Variants in ARB2A observed in about 807,000 individuals in gnomAD.
ARB2A encodes ARB2 cotranscriptional regulator A, also known as cotranscriptional regulator ARB2A.
At chr5:93,871,119 A>C in the ARB2A span, among the ~76,000 whole-genome samples, 1 of 152,220 alleles carries the variant, frequency 6.6e-6, no homozygotes, top group African/African-American at 2.4e-5. Context: ...ATACAAACTG[A>C]GCTTTCTTGT....
the ARB2A span, among the ~76,000 whole-genome samples, chr5:93,891,299 T>C: frequency 1.7e-4 from 26 of 152,242 alleles, 1 homozygote; most frequent in South Asian, 5.4e-3. Context: ...AACTTCAAAA[T>C]TGGCACTTAT....
At chr5:93,746,492 G>A in the ARB2A span, among the ~76,000 whole-genome samples, 1 of 152,186 alleles carries the variant, frequency 6.6e-6, no homozygotes, top group African/African-American at 2.4e-5. Flanking sequence ...TTCAGATTAA[G>A]ATTATGAGGA....
At chr5:93,665,546 T>C in the ARB2A span, among the ~76,000 whole-genome samples, 4 of 152,102 alleles carry the variant, frequency 2.6e-5, no homozygotes, top group East Asian at 1.9e-4. Context: ...GGCAGAAACA[T>C]ATAGGTGTCA....
the ARB2A span, among the ~76,000 whole-genome samples, chr5:93,946,436 A>G: frequency 6.6e-6 from 1 of 152,180 alleles, no homozygotes; most frequent in Non-Finnish European, 1.5e-5. Context: ...TACATAAAAA[A>G]TTAGAAACTA....
At chr5:93,987,629 A>C in the ARB2A span, among the ~76,000 whole-genome samples, 1 of 152,156 alleles carries the variant, frequency 6.6e-6, no homozygotes, top group Non-Finnish European at 1.5e-5. Context: ...TCTTTGAGAA[A>C]ATATTCATTC....
chr5:93,742,428 G>T, the ARB2A span, among the ~76,000 whole-genome samples: 1 of 151,990 alleles, frequency 6.6e-6, no homozygotes, highest in Admixed American at 6.6e-5. Context: ...TTATCCTTAG[G>T]CCCTTATCCC....
At chr5:93,759,081 A>G in the ARB2A span, among the ~76,000 whole-genome samples, 1 of 152,192 alleles carries the variant, frequency 6.6e-6, no homozygotes, top group Non-Finnish European at 1.5e-5. Flanking sequence ...AACTGACACC[A>G]CTGAAATACA....
At chr5:94,092,651 A>G in the ARB2A span, among the ~76,000 whole-genome samples, 2 of 152,208 alleles carry the variant, frequency 1.3e-5, no homozygotes, top group Non-Finnish European at 2.9e-5. Context: ...TATTATACTT[A>G]GTTCCTCAAA....
the ARB2A span, among the ~76,000 whole-genome samples, chr5:93,942,964 T>C: frequency 4.6e-5 from 7 of 152,128 alleles, no homozygotes; most frequent in South Asian, 2.1e-4. Flanking sequence ...ATACAACTTG[T>C]TATTTTTAAT....
chr5:93,944,641 G>T, the ARB2A span, among the ~76,000 whole-genome samples: 1 of 151,724 alleles, frequency 6.6e-6, no homozygotes, highest in Admixed American at 6.6e-5. Flanking sequence ...AGGAGATAGG[G>T]AGGAGGGAGA....
At chr5:93,709,313 T>C in the ARB2A span, among the ~76,000 whole-genome samples, 1 of 152,080 alleles carries the variant, frequency 6.6e-6, no homozygotes. Context: ...AATTTAAATC[T>C]TCATAGTATG....
chr5:93,633,810 G>A, the ARB2A span, among the ~76,000 whole-genome samples: 3 of 152,154 alleles, frequency 2.0e-5, no homozygotes, highest in South Asian at 6.2e-4. Flanking sequence ...AATCTACCCT[G>A]TCTATATATA....
the ARB2A span, among the ~76,000 whole-genome samples, chr5:93,757,685 C>T: frequency 1.8e-3 from 268 of 152,212 alleles, no homozygotes; most frequent in African/African-American, 6.3e-3. Context: ...CAGAATTCTC[C>T]ATTACCAAGC....
At chr5:94,066,077 T>TAA in the ARB2A span, among the ~76,000 whole-genome samples, 1 of 152,038 alleles carries the variant, frequency 6.6e-6, no homozygotes, top group Non-Finnish European at 1.5e-5. Context: ...ACATGGAAAC[T>TAA]AAACTTGCTT....
chr5:93,649,985 T>C, the ARB2A span, among the ~76,000 whole-genome samples: 1 of 151,962 alleles, frequency 6.6e-6, no homozygotes, highest in Non-Finnish European at 1.5e-5. Context: ...ACTCAACAAC[T>C]CATCATTCAC....
At chr5:93,756,668 G>C in the ARB2A span, among the ~76,000 whole-genome samples, 1 of 152,118 alleles carries the variant, frequency 6.6e-6, no homozygotes, top group Non-Finnish European at 1.5e-5. Context: ...CATAAGAAAA[G>C]GGGGAGAGTA....
the ARB2A span, among the ~76,000 whole-genome samples, chr5:93,692,632 A>T: frequency 1.3e-5 from 2 of 152,240 alleles, no homozygotes; most frequent in East Asian, 3.8e-4. Flanking sequence ...AATATTAGAT[A>T]GATCAACAAG....
At chr5:94,052,921 T>A in the ARB2A span, among the ~76,000 whole-genome samples, 2 of 152,218 alleles carry the variant, frequency 1.3e-5, no homozygotes, top group African/African-American at 4.8e-5. Context: ...ACTTGTTACT[T>A]GGTTCTTTCA....
chr5:93,940,844 T>C, the ARB2A span, among the ~76,000 whole-genome samples: 1 of 152,154 alleles, frequency 6.6e-6, no homozygotes, highest in African/African-American at 2.4e-5. Context: ...GTTTAGACTA[T>C]TTCCTACTAC....
Sources: gnomAD v4.1 joint callset for allele counts (sites outside exome capture counted in the v4.1 genomes callset) on GRCh38, gnomAD v4.1.1 for gene constraint, MANE v1.5 for transcripts, NCBI Gene and HGNC (gene_info 2026-07-23, HGNC 2026-07-21) for gene names.